Variants in PAK5 observed in about 807,000 individuals in gnomAD.
PAK5 encodes serine/threonine-protein kinase PAK 5.
Under a neutral mutation model 65.9 loss-of-function variants are expected in PAK5, and 16 were observed. The observed-to-expected ratio is 0.24, with a 90% CI of 0.16 to 0.37. PAK5 has a LOEUF of 0.37. Ranked by LOEUF, PAK5 falls within the 10% of genes least tolerant of loss-of-function variation. The pLI is 1.00. For missense variants in PAK5, 785 were observed against 903.9 expected (o/e 0.87, Z 1.69); for synonymous variants, 371 against 354.9 (o/e 1.05, Z -0.51).
intron 1 of PAK5, among the ~76,000 whole-genome samples, chr20:9,803,915 A>G (rs1020915188): frequency 1.3e-5 from 2 of 152,156 alleles, no homozygotes; most frequent in Admixed American, 1.3e-4. Context: ...TGGTTTTCTC[A>G]GTGGCATAAA....
At chr20:9,829,036 T>C (rs1179846088) in intron 1 of PAK5, among the ~76,000 whole-genome samples, 1 of 152,222 alleles carries the variant, frequency 6.6e-6, no homozygotes, top group Non-Finnish European at 1.5e-5. Context: ...AATTTACCTT[T>C]ATCATCAATG....
intron 3 of PAK5, among the ~76,000 whole-genome samples, chr20:9,623,121 G>T (rs765288911): frequency 6.6e-6 from 1 of 152,198 alleles, no homozygotes; most frequent in Non-Finnish European, 1.5e-5. Flanking sequence ...AAGGAGTGGA[G>T]AAAGGGAAGA....
At position 9,687,930 on chromosome 20, in the gene PAK5, G is replaced by C. The variant is rs114106910; in HGVS notation, c.-12+23356C>G. Among the ~76,000 whole-genome samples, 608 of 151,916 alleles carry C rather than the reference G, an allele frequency of 4.0e-3. 3 individuals carry two copies. Among genetic ancestry groups the C allele is most frequent in the African/African-American group, 0.014 (569 of 41,402 alleles). ...GTGTGTGTGTTATGTGTGTGCATCT[G>C]TGTGTATGTGTGTAGGGATTATCCA... On this transcript the variant is annotated intron_variant, in intron 2 of 9. Transcript: ENST00000353224.
rs577196719 is a variant in PAK5, at chr20:9,771,612, C to T, written c.-161-60177G>A. On this transcript the variant is annotated intron_variant, in intron 1 of 9. Coordinates refer to ENST00000353224, the MANE Select transcript of PAK5 (RefSeq NM_177990.4). ...TTTTTTTTTTTTTTGTAGAAATGGG[C>T]GTTTCACTCTTTTGTCCAGGCTGGT... Among the ~76,000 whole-genome samples, 38 of 84,358 alleles carry T rather than the reference C, an allele frequency of 4.5e-4. 1 individual carries two copies. Among genetic ancestry groups the T allele is most frequent in the Admixed American group, 1.1e-3 (8 of 7,162 alleles). 55.3% of individuals were successfully genotyped at this position (84,358 alleles called of 152,430 possible).
Position 9,733,383 on chromosome 20 carries a change from ATCTCTCTTTCTT to A in PAK5, c.-161-21960_-161-21949del, listed in dbSNP as rs550443111. 1.8e-4 allele frequency among the ~76,000 whole-genome samples: 22 copies of A among 122,610 alleles called. 1 individual carries two copies. In the South Asian group the frequency reaches 4.6e-3, roughly 26 times the overall value. 80.4% of individuals were successfully genotyped at this position (122,610 alleles called of 152,430 possible). A position where few individuals can be genotyped will look rare whatever the true frequency, so the allele number is the denominator to read the frequency against. On this transcript the variant is annotated intron_variant, in intron 1 of 9. Coordinates refer to ENST00000353224, the MANE Select transcript of PAK5 (RefSeq NM_177990.4). ...TATTCAACACCTCACATAGTTACCA[ATCTCTCTTTCTT>A]TCTTTCTTTCTTTCTTTCTTTCTTC...
chr20:9,638,641 A>G (rs1158299289), intron 3 of PAK5, among the ~76,000 whole-genome samples: 1 of 152,216 alleles, frequency 6.6e-6, no homozygotes, highest in East Asian at 1.9e-4. Flanking sequence ...GGAGCCCAGC[A>G]ATCTGTGTTT....
chr20:9,810,612 C>T (rs964188941), intron 1 of PAK5, among the ~76,000 whole-genome samples: 4 of 152,178 alleles, frequency 2.6e-5, no homozygotes, highest in Non-Finnish European at 5.9e-5. Context: ...TTAGACACAA[C>T]AGTTTATATT....
chr20:9,765,599 G>A (rs1228390194), intron 1 of PAK5, among the ~76,000 whole-genome samples: 1 of 152,044 alleles, frequency 6.6e-6, no homozygotes, highest in Non-Finnish European at 1.5e-5. Flanking sequence ...GCCATGATGG[G>A]AGTATTCACA....
chr20:9,766,870 A>G (rs1569079548), intron 1 of PAK5, among the ~76,000 whole-genome samples: 2 of 151,952 alleles, frequency 1.3e-5, no homozygotes, highest in African/African-American at 2.4e-5. Flanking sequence ...ATATCAAGCT[A>G]TATATGCCTA....
chr20:9,799,594 T>A (rs2049144023), intron 1 of PAK5, among the ~76,000 whole-genome samples: 1 of 152,076 alleles, frequency 6.6e-6, no homozygotes, highest in Non-Finnish European at 1.5e-5. Context: ...TACCACAGTG[T>A]GAGACAGAGA....
chr20:9,601,446 C>T (rs945327010), intron 3 of PAK5, among the ~76,000 whole-genome samples: 2 of 152,154 alleles, frequency 1.3e-5, no homozygotes, highest in African/African-American at 2.4e-5. Flanking sequence ...TGCATTTGAT[C>T]GTCCCAATAG....
rs11907176 is a variant in PAK5, at chr20:9,570,182, G to T, written c.991-3798C>A. Among the ~76,000 whole-genome samples the T allele has an allele frequency of 6.9e-3, 1,048 of 152,160 alleles. 13 individuals carry two copies. Among genetic ancestry groups the T allele is most frequent in the African/African-American group, 0.022 (921 of 41,492 alleles). On this transcript the variant is annotated intron_variant, in intron 4 of 9. Transcript: ENST00000353224. ...TATCAAAGTATTCAAACAATGACTG[G>T]CCAGTAAGTTCTACTTGGTGTTATT...
chr20:9,699,683 A>C (rs888895162), intron 2 of PAK5, among the ~76,000 whole-genome samples: 2 of 151,852 alleles, frequency 1.3e-5, no homozygotes, highest in African/African-American at 4.8e-5. Context: ...AATAAAAAAA[A>C]CTCTACATCT....
chr20:9,836,555 T>C (rs1257933630), intron 1 of PAK5, among the ~76,000 whole-genome samples: 4 of 152,106 alleles, frequency 2.6e-5, no homozygotes, highest in Non-Finnish European at 4.4e-5. Flanking sequence ...TTTTGGAGGG[T>C]GCATGGCCCT....
chr20:9,600,992 C>T (rs2046349648), intron 3 of PAK5, among the ~76,000 whole-genome samples: 1 of 152,164 alleles, frequency 6.6e-6, no homozygotes, highest in Non-Finnish European at 1.5e-5. Context: ...CCCACTCTGA[C>T]CCCAAACAGG....
intron 3 of PAK5, among the ~76,000 whole-genome samples, chr20:9,591,177 AG>A (rs1182860683): frequency 6.6e-6 from 1 of 152,174 alleles, no homozygotes; most frequent in Non-Finnish European, 1.5e-5. Context: ...CCCCTTTATA[AG>A]AAGGAAGAAA....
intron 1 of PAK5, among the ~76,000 whole-genome samples, chr20:9,837,514 G>A (rs1186254656): frequency 6.6e-6 from 1 of 152,196 alleles, no homozygotes; most frequent in African/African-American, 2.4e-5. Context: ...CCAAGATTGA[G>A]TTGTTGTGCT....
intron 3 of PAK5, among the ~76,000 whole-genome samples, chr20:9,597,708 C>T (rs879612629): frequency 1.3e-5 from 2 of 152,168 alleles, no homozygotes; most frequent in Non-Finnish European, 2.9e-5. Context: ...ATCAAGTCTA[C>T]GTTTCTAGAG....
chr20:9,618,759 A>G (rs1259841542), intron 3 of PAK5, among the ~76,000 whole-genome samples: 1 of 151,648 alleles, frequency 6.6e-6, no homozygotes, highest in Non-Finnish European at 1.5e-5. Flanking sequence ...GAGCAGGGTG[A>G]CAGGTACAGT....
Sources: gnomAD v4.1 joint callset for allele counts (sites outside exome capture counted in the v4.1 genomes callset) on GRCh38, gnomAD v4.1.1 for gene constraint, MANE v1.5 for transcripts, NCBI Gene and HGNC (gene_info 2026-07-23, HGNC 2026-07-21) for gene names.